The following LRP1B variants were observed in gnomAD, a reference collection of about 807,000 sequenced individuals.
LRP1B encodes the protein LDL receptor related protein 1B, also known as low-density lipoprotein receptor-related protein 1B.
In LRP1B, 217 loss-of-function variants were observed where a neutral mutation model predicts 556.6. That is an observed-to-expected ratio of 0.39 (90% CI 0.35 to 0.44). The LOEUF is 0.44. Ranked by LOEUF, LRP1B falls within the 20% of genes least tolerant of loss-of-function variation. The pLI is 1.00. For synonymous variants in LRP1B, 2,047 were observed against 1,865.8 expected, an observed-to-expected ratio of 1.10 and a Z score of -2.50; for missense variants, 5,053 against 5,620.8, an observed-to-expected ratio of 0.90 and a Z score of 3.23.
At chr2:140,817,019 A>G (rs1001001618) in intron 31 of LRP1B, among the ~76,000 whole-genome samples, 1 of 152,168 alleles carries the variant, frequency 6.6e-6, no homozygotes, top group East Asian at 1.9e-4. Flanking sequence ...GTTTAATGCA[A>G]TTAAAACTAC....
intron 6 of LRP1B, 138 bp downstream of exon 6, chr2:141,229,045 A>C: frequency 2.5e-6 from 2 of 798,320 alleles, no homozygotes; most frequent in Non-Finnish European, 4.2e-6. Context: ...TAGTGAATAC[A>C]GTAATTCAAG....
At chr2:140,553,346 G>A (rs1680613982) in intron 43 of LRP1B, among the ~76,000 whole-genome samples, 1 of 151,850 alleles carries the variant, frequency 6.6e-6, no homozygotes, top group Non-Finnish European at 1.5e-5. Flanking sequence ...TGACACTAGT[G>A]TCTACCCAAA....
rs1491228405 is a variant in LRP1B, at chr2:140,483,640, A to ATATATTTT, written c.9425+1702_9425+1703insAAAATATA. Reference sequence around the variant, plus strand: ...CATATATATATATATATATATATATATTTTTTTTTTTTTTTTTTGAGACAC... The same window carrying ATATATTTT: ...CATATATATATATATATATATATATATATATTTTTTTTTTTTTTTTTTTTTTGAGACAC... On this transcript the variant is annotated intron_variant, in intron 59 of 90. Transcript: ENST00000389484. Among the ~76,000 whole-genome samples, 69 of 70,728 alleles carry ATATATTTT rather than the reference A, an allele frequency of 9.8e-4. 2 individuals carry two copies. The highest frequency in any genetic ancestry group is 4.3e-3 in the African/African-American group (68 of 15,708). 46.4% of individuals were successfully genotyped at this position (70,728 alleles called of 152,430 possible). A position where few individuals can be genotyped will look rare whatever the true frequency, so the allele number is the denominator to read the frequency against.
chr2:140,270,133 A>G (rs1262274812), intron 86 of LRP1B, 109 bp downstream of exon 86: 10 of 750,148 alleles, frequency 1.3e-5, no homozygotes, highest in Non-Finnish European at 7.0e-6. Flanking sequence ...AGAGATGTCC[A>G]TGAAACACTC....
intron 2 of LRP1B, among the ~76,000 whole-genome samples, chr2:141,521,586 G>A (rs1187490244): frequency 6.6e-6 from 1 of 151,508 alleles, no homozygotes; most frequent in Non-Finnish European, 1.5e-5. Context: ...TTTGCTTTCA[G>A]ATTGAGATAT....
chr2:140,870,808 CT>C (rs972285411), intron 25 of LRP1B, among the ~76,000 whole-genome samples: 1 of 151,758 alleles, frequency 6.6e-6, no homozygotes, highest in African/African-American at 2.4e-5. Flanking sequence ...TGAAACAATC[CT>C]TTACAAAATT....
intron 1 of LRP1B, among the ~76,000 whole-genome samples, chr2:141,904,810 T>C (rs1019885067): frequency 6.6e-6 from 1 of 151,908 alleles, no homozygotes; most frequent in Non-Finnish European, 1.5e-5. Context: ...TGTCATGTCA[T>C]GGAAGTTTAA....
At chr2:141,589,686 T>C (rs904453433) in intron 2 of LRP1B, among the ~76,000 whole-genome samples, 3 of 152,208 alleles carry the variant, frequency 2.0e-5, no homozygotes, top group Non-Finnish European at 4.4e-5. Flanking sequence ...TGGTTGCAAT[T>C]TGATTGTGCC....
chr2:140,722,399 T>A (rs1351762467), intron 35 of LRP1B, among the ~76,000 whole-genome samples: 2 of 152,192 alleles, frequency 1.3e-5, no homozygotes, highest in Admixed American at 1.3e-4. Flanking sequence ...TAGATAGGGT[T>A]TATTTTAATG....
intron 7 of LRP1B, among the ~76,000 whole-genome samples, chr2:141,101,153 T>C (rs1278084649): frequency 1.3e-5 from 2 of 152,072 alleles, no homozygotes; most frequent in Non-Finnish European, 2.9e-5. Context: ...ATAAAGCACC[T>C]TTGCAGAGAT....
chr2:140,738,425 G>A (rs1053444006), intron 35 of LRP1B, among the ~76,000 whole-genome samples: 3 of 152,056 alleles, frequency 2.0e-5, no homozygotes, highest in Admixed American at 2.0e-4. Flanking sequence ...ATGGTCTGTG[G>A]CAGCCAATAA....
At position 140,274,404 on chromosome 2, in the gene LRP1B, T is replaced by G; in HGVS notation, c.13142+20A>C. The G allele has an allele frequency of 1.9e-6, 3 of 1,608,518 alleles. No individual in the cohort carries two copies. In the South Asian group the frequency reaches 3.3e-5, roughly 18 times the overall value. ...TTGGTGTCCAAATGCTTTTATAAAT[T>G]AAGCTGGGTGTCCACTTACTTGCAA... On this transcript the variant is annotated intron_variant, in intron 85 of 90. Coordinates refer to ENST00000389484, the MANE Select transcript of LRP1B (RefSeq NM_018557.3).
At chr2:140,753,351 T>C (rs549286631) in intron 35 of LRP1B, among the ~76,000 whole-genome samples, 53 of 152,350 alleles carry the variant, frequency 3.5e-4, no homozygotes, top group African/African-American at 1.2e-3. Context: ...CAAAACAATA[T>C]GATTTATCTC....
chr2:142,014,827 C>A (rs967074347), intron 1 of LRP1B, among the ~76,000 whole-genome samples: 18 of 152,046 alleles, frequency 1.2e-4, no homozygotes, highest in African/African-American at 4.3e-4. Flanking sequence ...AGAGGTAAAT[C>A]AGCAGTCCCC....
At chr2:141,722,000 CT>C (rs1692833742) in intron 2 of LRP1B, among the ~76,000 whole-genome samples, 1 of 152,174 alleles carries the variant, frequency 6.6e-6, no homozygotes, top group African/African-American at 2.4e-5. Flanking sequence ...CTCCTCTAAT[CT>C]TTAGGTAAAA....
intron 66 of LRP1B, among the ~76,000 whole-genome samples, chr2:140,396,512 G>C (rs1037031356): frequency 6.6e-6 from 1 of 152,080 alleles, no homozygotes; most frequent in Non-Finnish European, 1.5e-5. Context: ...TTGAATCCTA[G>C]TTCTGGCTCC....
At chr2:141,174,274 A>T (rs978164913) in intron 7 of LRP1B, among the ~76,000 whole-genome samples, 2 of 152,084 alleles carry the variant, frequency 1.3e-5, no homozygotes, top group Non-Finnish European at 2.9e-5. Flanking sequence ...TGTTCTAAAA[A>T]TTATTTGCAG....
intron 66 of LRP1B, among the ~76,000 whole-genome samples, chr2:140,419,038 A>G (rs952063231): frequency 1.3e-5 from 2 of 152,190 alleles, no homozygotes; most frequent in African/African-American, 2.4e-5. Context: ...CATGCCTGAC[A>G]ATCCAAAGTT....
chr2:142,130,185 G>T (rs1049838578), intron 1 of LRP1B, among the ~76,000 whole-genome samples: 1 of 152,194 alleles, frequency 6.6e-6, no homozygotes, highest in African/African-American at 2.4e-5. Context: ...CGCTTTCGCC[G>T]CTCCACGGAC....
Sources: allele counts gnomAD v4.1 joint callset (sites outside exome capture counted in the v4.1 genomes callset), GRCh38; gene constraint gnomAD v4.1.1; transcripts MANE v1.5; gene names NCBI Gene and HGNC (gene_info 2026-07-23, HGNC 2026-07-21).